NAV2: variants seen among roughly 807,000 people sequenced by gnomAD.
NAV2 encodes neuron navigator 2.
In NAV2, 54 loss-of-function variants were observed where a neutral mutation model predicts 223.2. The ratio of observed to expected loss-of-function variants is 0.24; its 90% confidence interval spans 0.19 to 0.30. The LOEUF (loss-of-function observed/expected upper bound fraction) is 0.30, where lower values mean the gene tolerates loss of function less well. NAV2 is among the 10% of genes least tolerant of loss of function. The pLI is 1.00. For synonymous variants in NAV2, 1,279 were observed against 1,239.3 expected (o/e 1.03, Z -0.67); for missense variants, 2,806 against 3,147.5 (o/e 0.89, Z 2.60).
At chr11:19,927,215 G>A (rs1480757059) in intron 6 of NAV2, among the ~76,000 whole-genome samples, 1 of 152,198 alleles carries the variant, frequency 6.6e-6, no homozygotes, top group Non-Finnish European at 1.5e-5. Context: ...TTGGTGGTGG[G>A]CCAACCTTGT....
intron 7 of NAV2, among the ~76,000 whole-genome samples, chr11:19,938,226 G>A (rs1368616435): frequency 2.0e-5 from 3 of 152,182 alleles, no homozygotes. Context: ...GGAAACCACC[G>A]AAGACAGTGA....
chr11:19,378,528 G>A lies in NAV2; in HGVS notation c.75+27501G>A, dbSNP rs76871948. ...CAGCGCGCACCCTTAATAAAGAGCGGCGCCTCACTATTTGTGGTGATAGGG... is the reference window on the plus strand; with the variant it reads ...CAGCGCGCACCCTTAATAAAGAGCGACGCCTCACTATTTGTGGTGATAGGG... On this transcript the variant is annotated intron_variant, in intron 1 of 37. Coordinates refer to the NAV2 transcript ENST00000360655. 3.2e-4 allele frequency among the ~76,000 whole-genome samples: 48 copies of A among 151,828 alleles called. No homozygotes were observed. In the East Asian group the frequency reaches 7.4e-3, roughly 23 times the overall value.
intron 12 of NAV2, among the ~76,000 whole-genome samples, chr11:20,040,657 C>T (rs544185874): frequency 6.6e-6 from 1 of 152,280 alleles, no homozygotes; most frequent in East Asian, 1.9e-4. Context: ...TCCTCACCTT[C>T]CCATGTGGAT....
At chr11:19,781,945 A>C (rs1486632526) in intron 1 of NAV2, among the ~76,000 whole-genome samples, 3 of 152,258 alleles carry the variant, frequency 2.0e-5, no homozygotes, top group Middle Eastern at 3.4e-3. Flanking sequence ...TTCCCATCTT[A>C]ACAACTTCCG....
chr11:19,708,911 A>AG (rs1220867191), upstream of NAV2, among the ~76,000 whole-genome samples: 18 of 151,912 alleles, frequency 1.2e-4, no homozygotes, highest in African/African-American at 3.6e-4. Flanking sequence ...AAAAAAAAAA[A>AG]AAAAGAAAAA....
At chr11:20,060,173 A>C (rs1225878128) in intron 19 of NAV2, among the ~76,000 whole-genome samples, 1 of 152,374 alleles carries the variant, frequency 6.6e-6, no homozygotes, top group East Asian at 1.9e-4. Context: ...GAGATGTAGA[A>C]ATAGAAAAGA....
At chr11:19,782,521 A>G (rs1168297749) in intron 1 of NAV2, among the ~76,000 whole-genome samples, 1 of 149,906 alleles carries the variant, frequency 6.7e-6, no homozygotes. Flanking sequence ...GAAGCCAGGG[A>G]AAAAAATTGT....
intron 1 of NAV2, among the ~76,000 whole-genome samples, chr11:19,540,022 G>A (rs150350244): frequency 8.9e-4 from 135 of 152,298 alleles, no homozygotes; most frequent in African/African-American, 3.1e-3. Context: ...GAGACAATAG[G>A]CTGACTGAGA....
At chr11:20,064,625 C>G (rs138521496) in intron 20 of NAV2, among the ~76,000 whole-genome samples, 15 of 152,270 alleles carry the variant, frequency 9.9e-5, no homozygotes, top group African/African-American at 3.6e-4. Context: ...CCCCTTCATG[C>G]CAACCACTAG....
At chr11:19,666,696 C>A (rs1164607988) in intron 1 of NAV2, among the ~76,000 whole-genome samples, 5 of 152,140 alleles carry the variant, frequency 3.3e-5, no homozygotes, top group Non-Finnish European at 7.3e-5. Context: ...ATGCTCAGGA[C>A]CTTCATACAT....
chr11:19,500,923 T>C (rs1267033655), intron 1 of NAV2, among the ~76,000 whole-genome samples: 4 of 152,204 alleles, frequency 2.6e-5, no homozygotes, highest in Admixed American at 2.6e-4. Context: ...CTTGTTATTT[T>C]ACACTTTCAT....
intron 1 of NAV2, among the ~76,000 whole-genome samples, chr11:19,630,727 T>C (rs2047318195): frequency 1.3e-5 from 2 of 151,852 alleles, no homozygotes; most frequent in Admixed American, 1.3e-4. Flanking sequence ...AATATAAAAA[T>C]TAGCTGGACG....
rs141167689 is a variant in NAV2, at chr11:19,391,860, C to G, written c.75+40833C>G. On this transcript the variant is annotated intron_variant, in intron 1 of 37. Transcript: ENST00000360655. ...CACATAGAAGATGCTAATATTCGTT[C>G]CCCTGCTGTGTCTCCACCCATCAGC... Among the ~76,000 whole-genome samples the G allele has an allele frequency of 1.3e-3, 202 of 152,310 alleles. 2 individuals carry two copies. The highest frequency in any genetic ancestry group is 4.8e-3 in the African/African-American group (199 of 41,572).
At chr11:20,088,801 G>C (rs188703472) in intron 26 of NAV2, among the ~76,000 whole-genome samples, 1 of 152,134 alleles carries the variant, frequency 6.6e-6, no homozygotes, top group Non-Finnish European at 1.5e-5. Context: ...CTGGACAGAC[G>C]AGCCTCACAT....
intron 20 of NAV2, 60 bp from the exon 21 acceptor site, chr11:20,068,126 C>A: frequency 6.9e-7 from 1 of 1,459,740 alleles, no homozygotes; most frequent in Non-Finnish European, 9.6e-7. Flanking sequence ...TCCCGATGGG[C>A]TGGACTACAC....
intron 1 of NAV2, among the ~76,000 whole-genome samples, chr11:19,810,013 G>A (rs1033962324): frequency 3.9e-5 from 6 of 152,050 alleles, no homozygotes; most frequent in Non-Finnish European, 2.9e-5. Flanking sequence ...TTTTTTCCAT[G>A]TTTTACTCTT....
At chr11:19,957,644 G>A (rs946778105) in intron 10 of NAV2, among the ~76,000 whole-genome samples, 1 of 152,192 alleles carries the variant, frequency 6.6e-6, no homozygotes, top group Non-Finnish European at 1.5e-5. Context: ...CGGCGTCTGG[G>A]TAGGCAGTCT....
chr11:19,747,651 A>G (rs72913638), intron 1 of NAV2, among the ~76,000 whole-genome samples: 47 of 152,278 alleles, frequency 3.1e-4, no homozygotes, highest in Non-Finnish European at 6.3e-4. Flanking sequence ...GGGGAGGCAA[A>G]TCTGCTTTTG....
At chr11:19,966,872 A>G (rs1024720358) in intron 10 of NAV2, among the ~76,000 whole-genome samples, 67 of 152,132 alleles carry the variant, frequency 4.4e-4, no homozygotes, top group African/African-American at 1.4e-3. Flanking sequence ...TCACGTTTCC[A>G]ACTTCTTCTA....
Sources: gnomAD v4.1 joint callset for allele counts (sites outside exome capture counted in the v4.1 genomes callset) on GRCh38, gnomAD v4.1.1 for gene constraint, MANE v1.5 for transcripts, NCBI Gene and HGNC (gene_info 2026-07-23, HGNC 2026-07-21) for gene names.